The following WDR7 variants were observed in gnomAD, a reference collection of about 807,000 sequenced individuals.
WDR7 encodes WD repeat domain 7, also known as WD repeat-containing protein 7.
WDR7 carries 46 observed loss-of-function variants against 169.4 expected under a neutral mutation model. The observed-to-expected ratio is 0.27, with a 90% CI of 0.21 to 0.35. WDR7 has a LOEUF of 0.35. WDR7 is among the 10% of genes least tolerant of loss of function. WDR7 has a pLI of 1.00. For missense variants in WDR7, 1,534 were observed against 1,859.3 expected, an observed-to-expected ratio of 0.83 and a Z score of 3.22; for synonymous variants, 612 against 666.8, an observed-to-expected ratio of 0.92 and a Z score of 1.27.
At chr18:56,967,598 G>T (rs1019445864) in intron 26 of WDR7, among the ~76,000 whole-genome samples, 7 of 151,440 alleles carry the variant, frequency 4.6e-5, no homozygotes, top group African/African-American at 1.7e-4. Flanking sequence ...ATATCTCACT[G>T]ATTTCTAATC....
chr18:56,861,142 C>T (rs1036544070), intron 20 of WDR7, among the ~76,000 whole-genome samples: 2 of 151,918 alleles, frequency 1.3e-5, no homozygotes, highest in Non-Finnish European at 1.5e-5. Context: ...TTTTCTAATC[C>T]TTGATGGTTG....
At chr18:56,793,569 A>G (rs1364247436) in intron 19 of WDR7, among the ~76,000 whole-genome samples, 1 of 152,230 alleles carries the variant, frequency 6.6e-6, no homozygotes, top group Non-Finnish European at 1.5e-5. Flanking sequence ...AGTATGTGCA[A>G]GAGATTTTGT....
intron 20 of WDR7, among the ~76,000 whole-genome samples, chr18:56,847,617 G>C (rs2045585995): frequency 6.6e-6 from 1 of 152,154 alleles, no homozygotes; most frequent in South Asian, 2.1e-4. Flanking sequence ...TCCCATCAAA[G>C]ACCTAGCGAC....
chr18:56,969,197 C>G (rs2047450746), intron 26 of WDR7, among the ~76,000 whole-genome samples: 1 of 152,214 alleles, frequency 6.6e-6, no homozygotes, highest in Admixed American at 6.5e-5. Context: ...CTGTAACTGG[C>G]ATAATAATAT....
chr18:56,806,641 C>T (rs929819725), intron 19 of WDR7, among the ~76,000 whole-genome samples: 2 of 152,050 alleles, frequency 1.3e-5, no homozygotes, highest in African/African-American at 4.8e-5. Context: ...TACAGGAGAG[C>T]CCTTTCTAAA....
intron 26 of WDR7, among the ~76,000 whole-genome samples, chr18:56,963,436 A>G (rs1455782495): frequency 6.6e-6 from 1 of 152,190 alleles, no homozygotes; most frequent in East Asian, 1.9e-4. Flanking sequence ...TTAATGAACT[A>G]TTAATTAATT....
chr18:56,999,629 T>C (rs924554718), intron 26 of WDR7, among the ~76,000 whole-genome samples: 4 of 152,186 alleles, frequency 2.6e-5, no homozygotes, highest in Non-Finnish European at 4.4e-5. Flanking sequence ...ATGTTCTTTG[T>C]GTTGACAGCT....
At chr18:57,034,400 A>G (rs768745845), downstream of WDR7, 7 of 152,076 alleles carry the variant, frequency 4.6e-5, no homozygotes, top group African/African-American at 1.2e-4. Flanking sequence ...ACACTGCTCC[A>G]TAAACTTCCT....
chr18:57,023,695 T>C (rs532531434), intron 27 of WDR7, among the ~76,000 whole-genome samples: 1 of 152,356 alleles, frequency 6.6e-6, no homozygotes, highest in Admixed American at 6.5e-5. Context: ...AACCCCGTTT[T>C]CTACAATTTG....
At chr18:56,762,955 G>GT (rs1221156372) in intron 16 of WDR7, among the ~76,000 whole-genome samples, 3 of 138,812 alleles carry the variant, frequency 2.2e-5, no homozygotes, top group East Asian at 2.1e-4. Context: ...TTGTTTGTTT[G>GT]TTTTTTTGTT....
At chr18:56,822,433 C>G (rs1238672080) in intron 20 of WDR7, among the ~76,000 whole-genome samples, 1 of 152,182 alleles carries the variant, frequency 6.6e-6, no homozygotes, top group Non-Finnish European at 1.5e-5. Flanking sequence ...ACTGAAGGTC[C>G]TATTCATAAG....
intron 14 of WDR7, among the ~76,000 whole-genome samples, chr18:56,740,691 A>G (rs552923009): frequency 1.4e-4 from 21 of 152,254 alleles, no homozygotes; most frequent in Middle Eastern, 6.8e-3. Context: ...AGAGCCCAGA[A>G]TATTTAACGG....
At chr18:56,996,641 A>G (rs1373707403) in intron 26 of WDR7, among the ~76,000 whole-genome samples, 4 of 151,798 alleles carry the variant, frequency 2.6e-5, no homozygotes, top group African/African-American at 9.7e-5. Context: ...TTTTCCTTTC[A>G]ACTTTGAGGC....
chr18:56,673,706 A>G (rs1287773529), intron 2 of WDR7, among the ~76,000 whole-genome samples: 1 of 151,906 alleles, frequency 6.6e-6, no homozygotes, highest in Non-Finnish European at 1.5e-5. Context: ...GTGGTGGTGC[A>G]TGCCTGTAGT....
At chr18:56,849,998 C>T (rs922341612) in intron 20 of WDR7, among the ~76,000 whole-genome samples, 4 of 152,150 alleles carry the variant, frequency 2.6e-5, no homozygotes, top group East Asian at 1.9e-4. Context: ...GACACATTTG[C>T]CTTTTTTTTG....
At chr18:56,775,757 G>A (rs1185658790) in intron 16 of WDR7, among the ~76,000 whole-genome samples, 6 of 152,082 alleles carry the variant, frequency 3.9e-5, no homozygotes, top group Admixed American at 1.3e-4. Context: ...TGATGCATTC[G>A]TGTGGAAATT....
At chr18:56,700,785 G>A (rs1010174488) in intron 12 of WDR7, among the ~76,000 whole-genome samples, 1 of 151,362 alleles carries the variant, frequency 6.6e-6, no homozygotes, top group Non-Finnish European at 1.5e-5. Context: ...TAGCCAGGAT[G>A]GTCTCGATCT....
At chr18:56,809,880 T>A (rs2044839502) in intron 19 of WDR7, among the ~76,000 whole-genome samples, 1 of 152,106 alleles carries the variant, frequency 6.6e-6, no homozygotes, top group Non-Finnish European at 1.5e-5. Context: ...ATGTAAATAG[T>A]CATGGTATAG....
chr18:56,994,633 G>A (rs1159737594), intron 26 of WDR7, among the ~76,000 whole-genome samples: 1 of 152,110 alleles, frequency 6.6e-6, no homozygotes, highest in Non-Finnish European at 1.5e-5. Context: ...TTTTGCAAGG[G>A]CATAATTGAA....
Sources: allele counts gnomAD v4.1 joint callset (sites outside exome capture counted in the v4.1 genomes callset), GRCh38; gene constraint gnomAD v4.1.1; transcripts MANE v1.5; gene names NCBI Gene and HGNC (gene_info 2026-07-23, HGNC 2026-07-21).